The following PAK1 variants were observed in gnomAD, a reference collection of about 807,000 sequenced individuals.
PAK1 encodes serine/threonine-protein kinase PAK 1.
A neutral mutation model predicts 67.4 loss-of-function variants in PAK1; 29 were observed. The observed-to-expected ratio is 0.43, with a 90% CI of 0.32 to 0.59. PAK1 has a LOEUF of 0.59. PAK1 is among the 20% of genes least tolerant of loss of function. PAK1 has a pLI of 0.07. For missense variants in PAK1, 337 were observed against 670.7 expected (o/e 0.50, Z 5.50); for synonymous variants, 223 against 237.4 (o/e 0.94, Z 0.56).
intron 2 of PAK1, among the ~76,000 whole-genome samples, chr11:77,381,977 C>T (rs1054385692): frequency 6.6e-6 from 1 of 152,224 alleles, no homozygotes; most frequent in Non-Finnish European, 1.5e-5. Context: ...CTGTCTTTCT[C>T]ATAGCCAGAA....
chr11:77,324,772 C>A, intron 14 of PAK1, among the ~76,000 whole-genome samples: 1 of 119,224 alleles, frequency 8.4e-6, no homozygotes, highest in East Asian at 3.4e-4. Flanking sequence ...CACACACACA[C>A]ACACAGAGAG....
At chr11:77,367,397 G>C (rs918946404) in intron 5 of PAK1, among the ~76,000 whole-genome samples, 5 of 151,952 alleles carry the variant, frequency 3.3e-5, no homozygotes, top group Middle Eastern at 6.8e-3. Context: ...AAACAAATGA[G>C]GCAAAGGGCC....
chr11:77,471,632 AGAC>A (rs1957860770), intron 1 of PAK1, among the ~76,000 whole-genome samples: 1 of 152,214 alleles, frequency 6.6e-6, no homozygotes, highest in Admixed American at 6.5e-5. Context: ...ACAGAAAGTG[AGAC>A]TGCAAAGGCA....
At chr11:77,404,110 T>C (rs900852845) in intron 1 of PAK1, among the ~76,000 whole-genome samples, 3 of 152,206 alleles carry the variant, frequency 2.0e-5, no homozygotes, top group Admixed American at 1.3e-4. Context: ...TTAAGAAATA[T>C]GTTTCTTTTC....
At chr11:77,457,044 G>C (rs143584232) in intron 1 of PAK1, among the ~76,000 whole-genome samples, 2 of 152,244 alleles carry the variant, frequency 1.3e-5, no homozygotes, top group Admixed American at 6.5e-5. Flanking sequence ...CCCAGCCAAA[G>C]CAGGTACTAT....
At chr11:77,352,420 A>G (rs562517539) in intron 8 of PAK1, among the ~76,000 whole-genome samples, 23 of 152,346 alleles carry the variant, frequency 1.5e-4, no homozygotes, top group African/African-American at 5.5e-4. Context: ...GATGGACCGC[A>G]TATGATGGTG....
At chr11:77,347,054 T>C (rs1565597743) in intron 9 of PAK1, 2 of 456,268 alleles carry the variant, frequency 4.4e-6, no homozygotes, top group Middle Eastern at 3.3e-4. Context: ...GAGCATCCCA[T>C]GGACTCCAAT....
chr11:77,398,208 T>A (rs149278740), intron 1 of PAK1, among the ~76,000 whole-genome samples: 1 of 152,224 alleles, frequency 6.6e-6, no homozygotes, highest in African/African-American at 2.4e-5. Context: ...ATAGGTCTTA[T>A]TTATTCTATT....
chr11:77,381,395 TCAC>T (rs1175442406), intron 2 of PAK1, among the ~76,000 whole-genome samples: 2 of 152,230 alleles, frequency 1.3e-5, no homozygotes, highest in Admixed American at 1.3e-4. Flanking sequence ...TCTAATACAA[TCAC>T]CACAATCCTG....
At chr11:77,345,848 T>C (rs1944333732) in intron 9 of PAK1, among the ~76,000 whole-genome samples, 1 of 152,218 alleles carries the variant, frequency 6.6e-6, no homozygotes, top group Admixed American at 6.5e-5. Context: ...TCTTTTGAGT[T>C]ACTCATGCCA....
At chr11:77,480,923 C>G in the PAK1 span, among the ~76,000 whole-genome samples, 1 of 152,142 alleles carries the variant, frequency 6.6e-6, no homozygotes, top group Non-Finnish European at 1.5e-5. Flanking sequence ...TGCTGTGTGC[C>G]CAGCTTCTAG....
chr11:77,489,643 G>C, the PAK1 span, among the ~76,000 whole-genome samples: 1 of 151,998 alleles, frequency 6.6e-6, no homozygotes, highest in African/African-American at 2.4e-5. Context: ...TGGAGACGGG[G>C]TTTCACTGTG....
chr11:77,515,673 G>C, the PAK1 span, among the ~76,000 whole-genome samples: 1 of 152,210 alleles, frequency 6.6e-6, no homozygotes, highest in Non-Finnish European at 1.5e-5. Context: ...CAGCACAAAA[G>C]TAGTGTCTCC....
chr11:77,429,094 A>AAAAAAAAAAAAAAAAAAC (rs1565696623), intron 1 of PAK1, among the ~76,000 whole-genome samples: 1 of 102,584 alleles, frequency 9.7e-6, no homozygotes, highest in African/African-American at 1.0e-4. Context: ...AAAAAAAAAA[A>AAAAAAAAAAAAAAAAAAC]CACACACACA....
At chr11:77,425,992 C>T (rs1955524457) in intron 1 of PAK1, among the ~76,000 whole-genome samples, 1 of 151,452 alleles carries the variant, frequency 6.6e-6, no homozygotes, top group Non-Finnish European at 1.5e-5. Context: ...TTCAAGGAAT[C>T]TTCCCACCTC....
chr11:77,449,784 C>G (rs1956777856), intron 1 of PAK1, among the ~76,000 whole-genome samples: 1 of 151,910 alleles, frequency 6.6e-6, no homozygotes, highest in Non-Finnish European at 1.5e-5. Context: ...TACCCTCACC[C>G]CAATTCCCCT....
intron 1 of PAK1, among the ~76,000 whole-genome samples, chr11:77,447,524 T>C (rs1430868878): frequency 6.6e-6 from 1 of 152,058 alleles, no homozygotes; most frequent in Non-Finnish European, 1.5e-5. Context: ...GCTAACAAGA[T>C]GAAACAGATT....
At chr11:77,372,346 T>C (rs909683880) in intron 5 of PAK1, among the ~76,000 whole-genome samples, 1 of 152,216 alleles carries the variant, frequency 6.6e-6, no homozygotes, top group Admixed American at 6.5e-5. Context: ...GGGAATCAGA[T>C]GCCTATTGCC....
In PAK1 at chr11:77,392,476, A is replaced by G; in HGVS notation, c.45T>C (p.Pro15=). ...GLDIQDKPPA[P]PMRNTSTMIG... ...TCATAGTGCTGGTATTTCTCATCGG[A>G]GGGGCTGGGGGTTTGTCTTGAATGT... Residue 15 remains proline, a synonymous_variant, in exon 2 of 15, where the codon CCT becomes CCC. Transcript: ENST00000356341. 1 of 1,613,656 alleles carries G rather than the reference A, an allele frequency of 6.2e-7. No homozygotes were observed. Among genetic ancestry groups the G allele is most frequent in the Non-Finnish European group, 8.5e-7 (1 of 1,179,770 alleles).
Sources: allele counts gnomAD v4.1 joint callset (sites outside exome capture counted in the v4.1 genomes callset), GRCh38; gene constraint gnomAD v4.1.1; transcripts MANE v1.5; gene names NCBI Gene and HGNC (gene_info 2026-07-23, HGNC 2026-07-21).